Variants in HERC4 observed in about 807,000 individuals in gnomAD.
HERC4 encodes probable E3 ubiquitin-protein ligase HERC4.
HERC4 carries 28 observed loss-of-function variants against 124.3 expected under a neutral mutation model. The observed-to-expected ratio is 0.23, with a 90% CI of 0.17 to 0.31. The LOEUF is 0.31. Ranked by LOEUF, HERC4 falls within the 10% of genes least tolerant of loss-of-function variation. The pLI, the probability that HERC4 is intolerant of heterozygous loss-of-function variation, is 1.00. For missense variants in HERC4, 713 were observed against 1,229.3 expected (o/e 0.58, Z 6.28); for synonymous variants, 407 against 421.5 (o/e 0.97, Z 0.42).
At chr10:67,944,086 T>C (rs546324016) in intron 19 of HERC4, among the ~76,000 whole-genome samples, 1 of 152,332 alleles carries the variant, frequency 6.6e-6, no homozygotes, top group South Asian at 2.1e-4. Context: ...TGCAGAGCCC[T>C]AGGGCCTTAA....
chr10:68,030,825 T>C (rs1430016385), intron 7 of HERC4, among the ~76,000 whole-genome samples: 2 of 152,234 alleles, frequency 1.3e-5, no homozygotes, highest in Non-Finnish European at 2.9e-5. Flanking sequence ...AAATGTGACA[T>C]CTTTATGGAA....
intron 9 of HERC4, among the ~76,000 whole-genome samples, chr10:68,006,145 T>C (rs2037532444): frequency 6.6e-6 from 1 of 152,204 alleles, no homozygotes; most frequent in Non-Finnish European, 1.5e-5. Flanking sequence ...TCTTTACAAG[T>C]TGCTGTAGTT....
chr10:68,068,962 T>C (rs769833479), intron 3 of HERC4: 2 of 698,222 alleles, frequency 2.9e-6, no homozygotes, highest in Non-Finnish European at 3.5e-6. Flanking sequence ...TTTGAAAGAA[T>C]GTTGTAAAAC....
intron 21 of HERC4, 27 bp downstream of exon 21, chr10:67,939,561 A>T (rs751025171): frequency 2.1e-6 from 3 of 1,462,968 alleles, no homozygotes; most frequent in Non-Finnish European, 1.9e-6. Context: ...ATAAATAATC[A>T]GGCTAACCTA....
chr10:68,006,340 T>G (rs2133020982), intron 9 of HERC4, among the ~76,000 whole-genome samples: 1 of 151,970 alleles, frequency 6.6e-6, no homozygotes, highest in South Asian at 2.1e-4. Context: ...GGTCTGCTGT[T>G]GATGAAACGC....
intron 19 of HERC4, among the ~76,000 whole-genome samples, chr10:67,951,201 G>A (rs2033766648): frequency 6.6e-6 from 1 of 152,118 alleles, no homozygotes; most frequent in Admixed American, 6.5e-5. Context: ...AGAACTCTGT[G>A]TTTCTAGCAG....
At chr10:68,059,846 A>ATATATCATATTATATATTATAATAATG (rs2040885385) in intron 3 of HERC4, among the ~76,000 whole-genome samples, 6 of 85,170 alleles carry the variant, frequency 7.0e-5, no homozygotes, top group Admixed American at 2.0e-4. Context: ...ATTATAATAT[A>ATATATCATATTATATATTATAATAATG]TTATATATCA....
chr10:67,981,301 A>T (rs2035915001), intron 15 of HERC4, among the ~76,000 whole-genome samples: 1 of 152,250 alleles, frequency 6.6e-6, no homozygotes, highest in South Asian at 2.1e-4. Flanking sequence ...GTCACTATAT[A>T]ATGATAAAGT....
chr10:68,066,366 C>T (rs1057326453), intron 3 of HERC4, among the ~76,000 whole-genome samples: 1 of 152,260 alleles, frequency 6.6e-6, no homozygotes, highest in African/African-American at 2.4e-5. Context: ...CTGCTAAGTA[C>T]CCAAATTGTA....
chr10:67,947,547 C>A (rs1008584451), intron 19 of HERC4, among the ~76,000 whole-genome samples: 1 of 152,064 alleles, frequency 6.6e-6, no homozygotes, highest in African/African-American at 2.4e-5. Flanking sequence ...ATGTATACAA[C>A]AATCCAAAGA....
intron 9 of HERC4, among the ~76,000 whole-genome samples, chr10:67,999,917 C>T (rs1325109905): frequency 1.3e-5 from 2 of 152,118 alleles, no homozygotes; most frequent in East Asian, 3.8e-4. Context: ...AAGAATATGT[C>T]CCCTTTCCTA....
intron 22 of HERC4, among the ~76,000 whole-genome samples, chr10:67,933,694 A>G (rs1020475212): frequency 3.3e-5 from 5 of 152,188 alleles, no homozygotes; most frequent in African/African-American, 1.2e-4. Flanking sequence ...TCAAAGTAAG[A>G]CATATCAAGA....
intron 7 of HERC4, among the ~76,000 whole-genome samples, chr10:68,030,509 AC>A (rs1184172698): frequency 6.6e-6 from 1 of 152,206 alleles, no homozygotes; most frequent in East Asian, 1.9e-4. Context: ...TCCCTTTCTT[AC>A]AGAAAGCTGT....
intron 8 of HERC4, among the ~76,000 whole-genome samples, chr10:68,020,767 T>A (rs1167069083): frequency 4.5e-5 from 5 of 111,270 alleles, no homozygotes; most frequent in Admixed American, 9.7e-5. Flanking sequence ...AGACTCCGTC[T>A]CAAAAAAAAA....
chr10:67,954,544 T>C, intron 19 of HERC4, 51 bp downstream of exon 19: 1 of 1,479,548 alleles, frequency 6.8e-7, no homozygotes, highest in Non-Finnish European at 9.2e-7. Context: ...CATACAGGTA[T>C]AAATACATGG....
intron 15 of HERC4, among the ~76,000 whole-genome samples, chr10:67,984,998 A>C (rs866178647): frequency 6.6e-6 from 1 of 152,244 alleles, no homozygotes; most frequent in Admixed American, 6.5e-5. Context: ...CAGTGTTTGC[A>C]GTTTGTATAT....
At chr10:67,954,839 A>G (rs1224907169) in intron 18 of HERC4, 101 bp from the exon 19 acceptor site, 11 of 1,184,282 alleles carry the variant, frequency 9.3e-6, no homozygotes, top group Middle Eastern at 2.0e-4. Flanking sequence ...TCTACAATTA[A>G]TAGTTTAAAA....
intron 23 of HERC4, among the ~76,000 whole-genome samples, chr10:67,926,779 G>C (rs1346803613): frequency 1.3e-5 from 2 of 152,176 alleles, no homozygotes; most frequent in Admixed American, 6.5e-5. Flanking sequence ...CTAGTAAGAG[G>C]CGTTCCCAGA....
intron 22 of HERC4, among the ~76,000 whole-genome samples, chr10:67,935,133 G>A (rs967441426): frequency 9.2e-5 from 14 of 151,370 alleles, no homozygotes; most frequent in African/African-American, 3.4e-4. Flanking sequence ...GTTGACCTTT[G>A]GCTATCGATT....
Sources: allele counts gnomAD v4.1 joint callset (sites outside exome capture counted in the v4.1 genomes callset), GRCh38; gene constraint gnomAD v4.1.1; transcripts MANE v1.5; gene names NCBI Gene and HGNC (gene_info 2026-07-23, HGNC 2026-07-21).